The following EBF2 variants were observed in gnomAD, a reference collection of about 807,000 sequenced individuals.
The protein encoded by EBF2 is transcription factor COE2.
In EBF2, 21 loss-of-function variants were observed where a neutral mutation model predicts 72.8. That is an observed-to-expected ratio of 0.29 (90% CI 0.20 to 0.42). The LOEUF is 0.42. EBF2 is among the 10% of genes least tolerant of loss of function. The pLI is 1.00. For missense variants in EBF2, 637 were observed against 731.2 expected, an observed-to-expected ratio of 0.87 and a Z score of 1.49; for synonymous variants, 299 against 274.2, an observed-to-expected ratio of 1.09 and a Z score of -0.89.
At chr8:26,001,773 TC>T (rs1253303040) in intron 6 of EBF2, among the ~76,000 whole-genome samples, 7 of 152,118 alleles carry the variant, frequency 4.6e-5, no homozygotes, top group Admixed American at 1.3e-4. Context: ...GGTCTCGAAC[TC>T]CTGACCTCAA....
At position 25,915,825 on chromosome 8, in the gene EBF2, T is replaced by C. The variant is rs562915892; in HGVS notation, c.552-7270A>G. 4.3e-4 allele frequency among the ~76,000 whole-genome samples: 66 copies of C among 152,258 alleles called. No homozygotes were observed. In the Middle Eastern group the frequency reaches 0.01, roughly 24 times the overall value. On this transcript the variant is annotated intron_variant, in intron 6 of 15. Coordinates refer to ENST00000520164, the MANE Select transcript of EBF2 (RefSeq NM_022659.4). ...GCAGGATCTCCATAATGGAGATTTTTAAATAGACCAGCAAGCTAATGCCTT... is the reference window on the plus strand; with the variant it reads ...GCAGGATCTCCATAATGGAGATTTTCAAATAGACCAGCAAGCTAATGCCTT...
chr8:25,930,278 G>A (rs1803458573), intron 6 of EBF2, among the ~76,000 whole-genome samples: 1 of 152,132 alleles, frequency 6.6e-6, no homozygotes, highest in Non-Finnish European at 1.5e-5. Flanking sequence ...ATGGTCACCT[G>A]CACTGTCTCA....
intron 14 of EBF2, among the ~76,000 whole-genome samples, chr8:25,857,474 T>C (rs1173366022): frequency 6.6e-6 from 1 of 152,076 alleles, no homozygotes; most frequent in Non-Finnish European, 1.5e-5. Context: ...GTGCAGAGAA[T>C]TGCAACAAGA....
In EBF2 at chr8:26,045,163, A is replaced by G. The variant is rs939782470; in HGVS notation, c.-304T>C. 9 of 230,874 alleles carry G rather than the reference A, an allele frequency of 3.9e-5. No individual in the cohort carries two copies. The highest frequency in any genetic ancestry group is 1.0e-4 in the Admixed American group (2 of 19,386). The allele number at this position is 230,874 out of a possible 1,614,324, so 14.3% of individuals were successfully genotyped here. A position where few individuals can be genotyped will look rare whatever the true frequency, so the allele number is the denominator to read the frequency against. On this transcript the variant is annotated 5_prime_UTR_variant, in exon 1 of 16. Transcript: ENST00000520164. ...GCAGTGCTGCCTCCTGAAAGTGATCACAATTTAGAAGCATCACCTGTTCTG... is the reference window on the plus strand; with the variant it reads ...GCAGTGCTGCCTCCTGAAAGTGATCGCAATTTAGAAGCATCACCTGTTCTG...
intron 15 of EBF2, 91 bp from the exon 16 acceptor site, chr8:25,844,731 T>C (rs1054308094): frequency 1.7e-5 from 25 of 1,491,772 alleles, no homozygotes; most frequent in African/African-American, 5.5e-5. Context: ...ATGGGAATGA[T>C]AGAGTCTGAT....
At chr8:25,866,583 A>T (rs1802324562) in intron 10 of EBF2, among the ~76,000 whole-genome samples, 1 of 137,094 alleles carries the variant, frequency 7.3e-6, no homozygotes. Flanking sequence ...TATATATAAT[A>T]ATTTTTATAT....
chr8:25,859,234 G>A (rs1028468031), intron 13 of EBF2, among the ~76,000 whole-genome samples: 1 of 152,188 alleles, frequency 6.6e-6, no homozygotes, highest in African/African-American at 2.4e-5. Flanking sequence ...AGAAGGCCTA[G>A]AGAATAAATA....
At chr8:25,944,245 C>T (rs866527215) in intron 6 of EBF2, among the ~76,000 whole-genome samples, 17 of 152,264 alleles carry the variant, frequency 1.1e-4, no homozygotes, top group Middle Eastern at 6.8e-3. Context: ...AACTCATATC[C>T]TAAAGTTTAT....
rs1309717317 is a variant in EBF2, at chr8:26,040,926, T to C, written c.352+13A>G. On this transcript the variant is annotated intron_variant, in intron 3 of 15. Transcript: ENST00000520164. Reference sequence around the variant, plus strand: ...GCTAGGCGCCGGCTCACCGTTGCTGTAGAAGAGCTCACCGTTGCTGTAGAG... The same window carrying C: ...GCTAGGCGCCGGCTCACCGTTGCTGCAGAAGAGCTCACCGTTGCTGTAGAG... 6.2e-7 allele frequency: 1 copy of C among 1,614,014 alleles called. No individual in the cohort carries two copies. Among genetic ancestry groups the C allele is most frequent in the South Asian group, 1.1e-5 (1 of 91,028 alleles).
chr8:25,859,823 C>T (rs773131121), intron 13 of EBF2, among the ~76,000 whole-genome samples: 57 of 151,392 alleles, frequency 3.8e-4, no homozygotes, highest in Middle Eastern at 3.4e-3. Context: ...CTCAATCTAT[C>T]CTCCCACCTC....
chr8:25,928,961 A>G (rs1020492856), intron 6 of EBF2, among the ~76,000 whole-genome samples: 2 of 152,180 alleles, frequency 1.3e-5, no homozygotes, highest in African/African-American at 4.8e-5. Flanking sequence ...ACAAAATCTC[A>G]TGTATTAAGT....
intron 6 of EBF2, among the ~76,000 whole-genome samples, chr8:25,922,405 G>C (rs1803319425): frequency 6.6e-6 from 1 of 152,092 alleles, no homozygotes; most frequent in Admixed American, 6.5e-5. Flanking sequence ...TCAAAGCCTG[G>C]TGTGGTAGAA....
At chr8:25,917,008 A>G (rs1803227878) in intron 6 of EBF2, among the ~76,000 whole-genome samples, 2 of 152,102 alleles carry the variant, frequency 1.3e-5, no homozygotes, top group Non-Finnish European at 1.5e-5. Flanking sequence ...CTTCATTTCA[A>G]AGGAATTTCA....
At chr8:25,926,874 T>C (rs1252382404) in intron 6 of EBF2, among the ~76,000 whole-genome samples, 5 of 152,178 alleles carry the variant, frequency 3.3e-5, no homozygotes, top group Admixed American at 2.0e-4. Context: ...CAGATCAGAT[T>C]ATCCCCCTGG....
At position 25,945,446 on chromosome 8, in the gene EBF2, C is replaced by T. The variant is rs1332021128; in HGVS notation, c.552-36891G>A. On this transcript the variant is annotated intron_variant, in intron 6 of 15. Transcript: ENST00000520164. ...TATATTTTTTTCTCTGGCTCTTGGC[C>T]TGAATGAAGCATCTTGCATCACCTG... Among the ~76,000 whole-genome samples, 6 of 151,974 alleles carry T rather than the reference C, an allele frequency of 3.9e-5. No individual in the cohort carries two copies. The East Asian group carries it at 9.7e-4, about 25-fold the overall frequency.
At chr8:26,028,148 T>A (rs1326413078) in intron 6 of EBF2, among the ~76,000 whole-genome samples, 3 of 152,316 alleles carry the variant, frequency 2.0e-5, no homozygotes, top group Non-Finnish European at 1.5e-5. Flanking sequence ...ATTAATTTTT[T>A]AAAAAAGAAA....
chr8:25,915,836 G>A (rs747555841), intron 6 of EBF2, among the ~76,000 whole-genome samples: 1 of 152,126 alleles, frequency 6.6e-6, no homozygotes, highest in African/African-American at 2.4e-5. Context: ...AAATAGACCA[G>A]CAAGCTAATG....
At chr8:25,847,011 C>T (rs2117242803) in intron 15 of EBF2, among the ~76,000 whole-genome samples, 1 of 152,272 alleles carries the variant, frequency 6.6e-6, no homozygotes, top group South Asian at 2.1e-4. Flanking sequence ...TCCCTGAAGA[C>T]ACAGTGGGCT....
At position 26,007,464 on chromosome 8, in the gene EBF2, G is replaced by GT. The variant is rs201990909; in HGVS notation, c.551+25620dup. On this transcript the variant is annotated intron_variant, in intron 6 of 15. Coordinates refer to ENST00000520164, the MANE Select transcript of EBF2 (RefSeq NM_022659.4). ...GCTTGTTCTCCTCTATTTCATTTGA[G>GT]TTTTTTTTTAATCATCTAATCCAGG... 4.8e-3 allele frequency among the ~76,000 whole-genome samples: 724 copies of GT among 151,528 alleles called. 12 individuals carry two copies. The highest frequency in any genetic ancestry group is 0.017 in the African/African-American group (696 of 41,270).
Sources: allele counts gnomAD v4.1 joint callset (sites outside exome capture counted in the v4.1 genomes callset), GRCh38; gene constraint gnomAD v4.1.1; transcripts MANE v1.5; gene names NCBI Gene and HGNC (gene_info 2026-07-23, HGNC 2026-07-21).